ATIC: variants seen among roughly 807,000 people sequenced by gnomAD.
The protein encoded by ATIC is 5-aminoimidazole-4-carboxamide ribonucleotide formyltransferase/IMP cyclohydrolase.
A neutral mutation model predicts 72.5 loss-of-function variants in ATIC; 64 were observed. The ratio of observed to expected loss-of-function variants is 0.88; its 90% CI spans 0.72 to 1.09. ATIC has a LOEUF of 1.09. Among genes scored for constraint, ATIC ranks in the 50% least tolerant of loss-of-function variants. ATIC has a pLI of 0.00. For synonymous variants in ATIC, 281 were observed against 267.1 expected, an observed-to-expected ratio of 1.05 and a Z score of -0.51; for missense variants, 787 against 732.4, an observed-to-expected ratio of 1.07 and a Z score of -0.86.
chr2:215,336,233 A>G (rs150921390), intron 11 of ATIC, 109 bp downstream of exon 11: 15 of 883,622 alleles, frequency 1.7e-5, no homozygotes, highest in African/African-American at 1.7e-4. Context: ...TATCCTTATT[A>G]TAGTTTATTT....
intron 13 of ATIC, among the ~76,000 whole-genome samples, chr2:215,346,015 G>A (rs927365448): frequency 3.3e-5 from 5 of 152,094 alleles, no homozygotes; most frequent in African/African-American, 1.2e-4. Context: ...TGTACCTGGC[G>A]GAATTGTTTC....
intron 12 of ATIC, among the ~76,000 whole-genome samples, chr2:215,340,630 A>G (rs138041530): frequency 6.6e-6 from 1 of 152,232 alleles, no homozygotes; most frequent in East Asian, 1.9e-4. Flanking sequence ...AGGTATCTTC[A>G]TTCTGTCAGG....
intron 13 of ATIC, chr2:215,345,221 G>T: frequency 2.8e-6 from 1 of 351,874 alleles, no homozygotes; most frequent in Non-Finnish European, 5.5e-6. Flanking sequence ...TTACGGTACT[G>T]CCACCCACCA....
At position 215,346,790 on chromosome 2, in the gene ATIC, GTA is replaced by G; in HGVS notation, c.1355_1356del (p.Ile452ThrfsTer9). 1 of 1,614,152 alleles carries G rather than the reference GTA, an allele frequency of 6.2e-7. No homozygotes were observed. The highest frequency in any genetic ancestry group is 1.7e-5 in the Admixed American group (1 of 60,016). On this transcript the variant is annotated frameshift_variant, in exon 14 of 16. Coordinates refer to ENST00000236959, the MANE Select transcript of ATIC (RefSeq NM_004044.7). LOFTEE classifies it high-confidence loss of function. ...GGCATTGGAGCAGGACAGCAGTCTC[GTA>G]TACACTGCACTCGCCTTGCAGGAGA...
the ATIC span, among the ~76,000 whole-genome samples, chr2:215,359,204 AAAT>A: frequency 2.0e-5 from 3 of 152,164 alleles, no homozygotes; most frequent in Non-Finnish European, 4.4e-5. Flanking sequence ...ATTTTAGGGT[AAAT>A]ATTTTTAGGT....
chr2:215,316,982 G>C (rs917027182), intron 2 of ATIC, among the ~76,000 whole-genome samples: 9 of 152,082 alleles, frequency 5.9e-5, no homozygotes, highest in Non-Finnish European at 1.2e-4. Context: ...GGCTGGTCTG[G>C]AACTCCCTTA....
chr2:215,339,809 T>G (rs1302191786), intron 12 of ATIC, among the ~76,000 whole-genome samples: 4 of 152,032 alleles, frequency 2.6e-5, no homozygotes, highest in Non-Finnish European at 5.9e-5. Context: ...TAATTTTTTT[T>G]GTATTTTTAG....
At chr2:215,358,264 CG>C in the ATIC span, among the ~76,000 whole-genome samples, 261 of 152,218 alleles carry the variant, frequency 1.7e-3, 4 homozygotes, top group Admixed American at 0.015. Context: ...AACTTTAAAA[CG>C]ATGATATTTC....
chr2:215,353,090 T>C (rs10200045), downstream of ATIC, among the ~76,000 whole-genome samples: 130,009 of 152,192 alleles, frequency 0.85, 56,479 homozygotes, highest in East Asian at 1. Context: ...ATATTTGAGG[T>C]TAAAAACACG....
the ATIC span, chr2:215,367,562 CAA>C: frequency 2.5e-6 from 1 of 404,602 alleles, no homozygotes; most frequent in South Asian, 2.2e-5. Context: ...GACCTGGTTC[CAA>C]AAGTCTTTAT....
the ATIC span, among the ~76,000 whole-genome samples, chr2:215,355,543 T>A: frequency 6.6e-6 from 1 of 152,236 alleles, no homozygotes; most frequent in African/African-American, 2.4e-5. Context: ...GCCCAGCCTA[T>A]GTCCCTTCCT....
rs556853914 is a variant in ATIC at position 215,344,797 on chromosome 2, C to T, written c.1246C>T (p.Arg416Ter). 2.9e-5 allele frequency: 46 copies of T among 1,613,938 alleles called. No individual in the cohort carries two copies. The highest frequency in any genetic ancestry group is 1.9e-4 in the African/African-American group (14 of 74,892). Residue 416 changes from arginine to a stop codon, truncating the protein, a stop_gained, in exon 13 of 16, where the codon CGA becomes TGA. Transcript: ENST00000236959. LOFTEE classifies it high-confidence loss of function. Reference protein sequence around the residue: ...KNKDLPESALRDLIVATIAVK... With the variant: ...KNKDLPESAL ...GTTTCAGTTGCCAGAGTCTGCCCTC[C>T]GAGACCTCATCGTAGCCACCATTGC...
chr2:215,321,125 A>T (rs983731436), intron 4 of ATIC, among the ~76,000 whole-genome samples: 2 of 152,108 alleles, frequency 1.3e-5, no homozygotes, highest in East Asian at 3.8e-4. Flanking sequence ...CTATACCCAT[A>T]CGCATTTATT....
the ATIC span, among the ~76,000 whole-genome samples, chr2:215,356,791 A>G: frequency 2.0e-5 from 3 of 152,188 alleles, no homozygotes; most frequent in Non-Finnish European, 4.4e-5. Flanking sequence ...ATGGTCAGAT[A>G]TTTCATTATA....
chr2:215,319,464 G>A (rs566836191), intron 3 of ATIC, among the ~76,000 whole-genome samples: 1 of 152,154 alleles, frequency 6.6e-6, no homozygotes, highest in Non-Finnish European at 1.5e-5. Context: ...GATCACTTGA[G>A]CCCTGGAGGT....
chr2:215,322,786 G>C (rs1302700231), intron 4 of ATIC, among the ~76,000 whole-genome samples: 8 of 152,138 alleles, frequency 5.3e-5, no homozygotes, highest in Admixed American at 5.2e-4. Flanking sequence ...TTGTTGAAAA[G>C]ACTGTTCTTT....
chr2:215,352,536 C>G (rs2053138206), downstream of ATIC, among the ~76,000 whole-genome samples: 1 of 151,620 alleles, frequency 6.6e-6, no homozygotes, highest in South Asian at 2.1e-4. Flanking sequence ...GAGCTGAGAT[C>G]ACTCCACTGC....
Position 215,349,731 on chromosome 2 carries a change from T to TA in ATIC, c.*83dup. 3.1e-6 allele frequency: 5 copies of TA among 1,608,038 alleles called. No individual in the cohort carries two copies. The highest frequency in any genetic ancestry group is 3.4e-6 in the Non-Finnish European group (4 of 1,174,848). On this transcript the variant is annotated 3_prime_UTR_variant, in exon 16 of 16. Transcript: ENST00000236959. ...GCCTGAAACTTTGAGGATAACTTTTTAAAAAAATAAAACAGTATCTCTTAA... is the reference window on the plus strand; with the variant it reads ...GCCTGAAACTTTGAGGATAACTTTTTAAAAAAAATAAAACAGTATCTCTTAA...
downstream of ATIC, among the ~76,000 whole-genome samples, chr2:215,352,434 T>G (rs1443789797): frequency 6.6e-6 from 1 of 151,958 alleles, no homozygotes; most frequent in Admixed American, 6.6e-5. Context: ...TTACAAAAAT[T>G]AGCCAGGTGT....
Sources: allele counts gnomAD v4.1 joint callset (sites outside exome capture counted in the v4.1 genomes callset), GRCh38; gene constraint gnomAD v4.1.1; transcripts MANE v1.5; gene names NCBI Gene and HGNC (gene_info 2026-07-23, HGNC 2026-07-21).